Variants in HNF4G observed in about 807,000 individuals in gnomAD.
HNF4G encodes the protein hepatocyte nuclear factor 4-gamma.
In HNF4G, 21 loss-of-function variants were observed where a neutral mutation model predicts 50.9. That is an observed-to-expected ratio of 0.41 (90% CI 0.29 to 0.59). HNF4G has a LOEUF of 0.59. HNF4G is among the 20% of genes least tolerant of loss of function. The pLI is 0.26. For synonymous variants in HNF4G, 198 were observed against 185.6 expected (o/e 1.07, Z -0.54); for missense variants, 527 against 559.4 (o/e 0.94, Z 0.58).
upstream of HNF4G, among the ~76,000 whole-genome samples, chr8:75,538,403 T>C (rs960076214): frequency 2.6e-5 from 4 of 152,208 alleles, no homozygotes; most frequent in Non-Finnish European, 5.9e-5. Flanking sequence ...TCCAGATGTA[T>C]AAATGAGCTT....
At chr8:75,487,455 T>G (rs939455995) in intron 1 of HNF4G, among the ~76,000 whole-genome samples, 2 of 152,176 alleles carry the variant, frequency 1.3e-5, no homozygotes, top group Admixed American at 1.3e-4. Context: ...ATTTTCTGTC[T>G]AGCTCTCTCC....
chr8:75,517,209 T>C (rs898469597), intron 2 of HNF4G, among the ~76,000 whole-genome samples: 8 of 152,202 alleles, frequency 5.3e-5, no homozygotes, highest in Admixed American at 2.6e-4. Flanking sequence ...ATGGGAATTA[T>C]GGGAGCTATA....
At chr8:75,480,078 T>C (rs1280998484) in intron 1 of HNF4G, among the ~76,000 whole-genome samples, 2 of 152,210 alleles carry the variant, frequency 1.3e-5, no homozygotes, top group African/African-American at 4.8e-5. Flanking sequence ...AATGTATGCT[T>C]AATTGCCTAT....
rs577234752 is a variant in HNF4G, at chr8:75,488,547, G to A, written c.-143-1542G>A. The stretch of plus-strand genomic sequence containing the variant: ...CCCACCTCAGCTTCCCAAAGTGCTG[G>A]GATTACAGGCATGAGCCACTATGCC... On this transcript the variant is annotated intron_variant, in intron 1 of 10. Coordinates refer to the HNF4G transcript ENST00000354370. Among the ~76,000 whole-genome samples, 3 of 152,166 alleles carry A rather than the reference G, an allele frequency of 2.0e-5. No individual in the cohort carries two copies. In the South Asian group the frequency reaches 6.2e-4, roughly 32 times the overall value.
At chr8:75,455,411 T>G (rs930923378) in intron 1 of HNF4G, among the ~76,000 whole-genome samples, 1 of 152,176 alleles carries the variant, frequency 6.6e-6, no homozygotes, top group African/African-American at 2.4e-5. Flanking sequence ...TTCCATAAAG[T>G]GTTGGTATCT....
At chr8:75,419,765 G>C (rs1317557216) in intron 1 of HNF4G, among the ~76,000 whole-genome samples, 1 of 152,238 alleles carries the variant, frequency 6.6e-6, no homozygotes, top group Non-Finnish European at 1.5e-5. Context: ...TTTTAAAACA[G>C]CGAGTGATTA....
chr8:75,458,715 A>G (rs918838985), intron 1 of HNF4G, among the ~76,000 whole-genome samples: 6 of 152,164 alleles, frequency 3.9e-5, no homozygotes, highest in Admixed American at 3.3e-4. Context: ...ACAGGTTGGC[A>G]TTCAGGGGCA....
intron 1 of HNF4G, among the ~76,000 whole-genome samples, chr8:75,453,948 G>A (rs1359393662): frequency 6.6e-6 from 1 of 151,782 alleles, no homozygotes; most frequent in African/African-American, 2.4e-5. Context: ...GGGGCCTTTG[G>A]GAGGTAATTA....
At chr8:75,533,164 G>T (rs569683157) in intron 2 of HNF4G, among the ~76,000 whole-genome samples, 1 of 151,812 alleles carries the variant, frequency 6.6e-6, no homozygotes, top group South Asian at 2.1e-4. Flanking sequence ...CACACTTTCA[G>T]TAAGTATTTG....
intron 2 of HNF4G, among the ~76,000 whole-genome samples, chr8:75,492,882 C>G (rs534160844): frequency 6.6e-6 from 1 of 152,208 alleles, no homozygotes; most frequent in African/African-American, 2.4e-5. Flanking sequence ...GCACTCTCTG[C>G]CTTTTCCCTT....
intron 2 of HNF4G, among the ~76,000 whole-genome samples, chr8:75,514,893 T>C (rs959235597): frequency 6.6e-6 from 1 of 152,170 alleles, no homozygotes; most frequent in Admixed American, 6.5e-5. Context: ...TAGCCTTTCT[T>C]TTCTGTTATA....
chr8:75,435,860 T>G (rs902188634), intron 1 of HNF4G, among the ~76,000 whole-genome samples: 1 of 152,010 alleles, frequency 6.6e-6, no homozygotes. Context: ...TCCCAAAGTG[T>G]TGGAATTACA....
At chr8:75,556,993 G>A (rs892566810) in intron 6 of HNF4G, among the ~76,000 whole-genome samples, 1 of 152,192 alleles carries the variant, frequency 6.6e-6, no homozygotes, top group African/African-American at 2.4e-5. Context: ...TTTACCAAAG[G>A]TCACAAAGCT....
intron 2 of HNF4G, among the ~76,000 whole-genome samples, chr8:75,518,544 C>T (rs13262696): frequency 0.29 from 44,611 of 151,874 alleles, 6,785 homozygotes; most frequent in South Asian, 0.38. Context: ...ATGTTTATTG[C>T]GGCACTAAAC....
At position 75,560,553 on chromosome 8, in the gene HNF4G, A is replaced by C. The variant is rs1396392752; in HGVS notation, c.1246+87A>C. 7 of 1,331,258 alleles carry C rather than the reference A, an allele frequency of 5.3e-6. No homozygotes were observed. In the African/African-American group the frequency reaches 1.0e-4, roughly 20 times the overall value. The allele number at this position is 1,331,258 out of a possible 1,614,324, so 82.5% of individuals were successfully genotyped here. A position where few individuals can be genotyped will look rare whatever the true frequency, so the allele number is the denominator to read the frequency against. On this transcript the variant is annotated intron_variant, in intron 9 of 9. Coordinates refer to ENST00000396423, the MANE Select transcript of HNF4G (RefSeq NM_004133.5). ...TGTGGGAAAGAATCTATTAGTAACC[A>C]GAAATGGCAAAAACTTGGTGTAATT... is the stretch of plus-strand genomic sequence containing the variant.
At chr8:75,493,087 G>A (rs918729943) in intron 2 of HNF4G, among the ~76,000 whole-genome samples, 11 of 151,724 alleles carry the variant, frequency 7.3e-5, no homozygotes, top group African/African-American at 2.7e-4. Context: ...ATCATAAAAT[G>A]CTTAAATATG....
At chr8:75,532,292 C>T (rs755908920) in intron 2 of HNF4G, among the ~76,000 whole-genome samples, 9 of 151,742 alleles carry the variant, frequency 5.9e-5, no homozygotes, top group South Asian at 2.1e-4. Context: ...ATATCATTTT[C>T]GAAGATTTAT....
intron 2 of HNF4G, among the ~76,000 whole-genome samples, chr8:75,518,933 G>A (rs1299481564): frequency 2.6e-5 from 4 of 152,020 alleles, no homozygotes; most frequent in Non-Finnish European, 4.4e-5. Flanking sequence ...TTGCATCTTC[G>A]TACTGAAAAT....
At chr8:75,482,985 T>C (rs2130661784) in intron 1 of HNF4G, among the ~76,000 whole-genome samples, 1 of 152,312 alleles carries the variant, frequency 6.6e-6, no homozygotes, top group South Asian at 2.1e-4. Flanking sequence ...TGTTTATCAC[T>C]AAATAACAGA....
Sources: allele counts gnomAD v4.1 joint callset (sites outside exome capture counted in the v4.1 genomes callset), GRCh38; gene constraint gnomAD v4.1.1; transcripts MANE v1.5; gene names NCBI Gene and HGNC (gene_info 2026-07-23, HGNC 2026-07-21).